The following TENM3 variants were observed in gnomAD, a reference collection of about 807,000 sequenced individuals.
TENM3 encodes teneurin transmembrane protein 3.
Under a neutral mutation model 255.1 loss-of-function variants are expected in TENM3, and 63 were observed. The observed-to-expected ratio is 0.25, with a 90% CI of 0.20 to 0.30. The LOEUF is 0.30. TENM3 is among the 10% of genes least tolerant of loss of function. The probability of loss-of-function intolerance (pLI) is 1.00; values close to 1 mark genes in which losing one functional copy is unlikely to be tolerated. For missense variants in TENM3, 2,929 were observed against 3,461.1 expected (o/e 0.85, Z 3.86); for synonymous variants, 1,306 against 1,322.3 (o/e 0.99, Z 0.27).
chr4:181,763,930 A>G, the TENM3 span, among the ~76,000 whole-genome samples: 1 of 152,196 alleles, frequency 6.6e-6, no homozygotes, highest in African/African-American at 2.4e-5. Flanking sequence ...ACTGTTATAG[A>G]TCATTTTGAT....
At chr4:181,793,198 G>A in the TENM3 span, among the ~76,000 whole-genome samples, 5 of 152,224 alleles carry the variant, frequency 3.3e-5, no homozygotes, top group East Asian at 1.9e-4. Flanking sequence ...AGGGCTGGCC[G>A]GCGATCCAGC....
At chr4:182,783,848 C>T (rs528933504) in intron 24 of TENM3, among the ~76,000 whole-genome samples, 2,426 of 152,004 alleles carry the variant, frequency 0.016, 56 homozygotes, top group African/African-American at 0.056. Context: ...TTGATCGCAT[C>T]GGCTCCTGAG....
chr4:182,581,971 A>G (rs1404677987), intron 3 of TENM3, among the ~76,000 whole-genome samples: 1 of 152,214 alleles, frequency 6.6e-6, no homozygotes, highest in African/African-American at 2.4e-5. Context: ...AGAGAATTTA[A>G]AAATGAGACA....
intron 1 of TENM3, among the ~76,000 whole-genome samples, chr4:182,230,214 A>T (rs911073459): frequency 1.3e-5 from 2 of 151,710 alleles, no homozygotes; most frequent in African/African-American, 4.8e-5. Flanking sequence ...GTTCAGGGGC[A>T]TGGCTCCAGC....
At chr4:182,054,730 TTA>T in the TENM3 span, among the ~76,000 whole-genome samples, 22 of 152,120 alleles carry the variant, frequency 1.4e-4, no homozygotes, top group Non-Finnish European at 3.2e-4. Flanking sequence ...TCATTATGCA[TTA>T]TATGTCTGTA....
the TENM3 span, among the ~76,000 whole-genome samples, chr4:182,029,923 G>C: frequency 2.8e-5 from 4 of 142,950 alleles, no homozygotes; most frequent in Non-Finnish European, 5.9e-5. Flanking sequence ...ATTCAGGTTG[G>C]AGAGAGTTAA....
At chr4:181,664,697 G>A in the TENM3 span, among the ~76,000 whole-genome samples, 1 of 152,064 alleles carries the variant, frequency 6.6e-6, no homozygotes, top group Non-Finnish European at 1.5e-5. Context: ...GAGATTCAGT[G>A]CACCCCTCTC....
At chr4:181,943,168 T>C in the TENM3 span, among the ~76,000 whole-genome samples, 2 of 152,174 alleles carry the variant, frequency 1.3e-5, no homozygotes, top group East Asian at 3.9e-4. Context: ...GTAGAGTCCC[T>C]GGATCCCGGG....
chr4:182,344,874 C>T (rs370512592), intron 2 of TENM3, among the ~76,000 whole-genome samples: 1 of 152,156 alleles, frequency 6.6e-6, no homozygotes, highest in Non-Finnish European at 1.5e-5. Context: ...CATGTGGACA[C>T]TGACCTTGTT....
intron 3 of TENM3, 67 bp downstream of exon 3, chr4:182,346,996 G>GGC (rs760068721): frequency 5.0e-5 from 50 of 990,864 alleles, no homozygotes; most frequent in East Asian, 2.3e-4. Flanking sequence ...TTGACTCCGC[G>GGC]GGGGGGGATG....
chr4:182,552,529 A>G (rs916103051), intron 3 of TENM3, among the ~76,000 whole-genome samples: 1 of 152,230 alleles, frequency 6.6e-6, no homozygotes, highest in African/African-American at 2.4e-5. Flanking sequence ...CCATTCTGAA[A>G]CTTGAAGAGT....
At chr4:181,482,868 A>AC in the TENM3 span, among the ~76,000 whole-genome samples, 7 of 152,302 alleles carry the variant, frequency 4.6e-5, no homozygotes, top group Middle Eastern at 3.4e-3. Flanking sequence ...GAAGGAAGAC[A>AC]CAGGCCAATC....
chr4:182,505,568 T>A (rs1346654280), intron 3 of TENM3, among the ~76,000 whole-genome samples: 1 of 152,080 alleles, frequency 6.6e-6, no homozygotes, highest in Non-Finnish European at 1.5e-5. Flanking sequence ...AACCTCCACC[T>A]CCCAGGTTCA....
At chr4:182,594,683 GGT>G (rs67667219) in intron 3 of TENM3, among the ~76,000 whole-genome samples, 10,537 of 137,922 alleles carry the variant, frequency 0.076, 575 homozygotes, top group African/African-American at 0.16. Context: ...TTTTTGTTTT[GGT>G]GTGTGTGTGT....
chr4:182,672,722 CAG>C (rs1263219636), intron 6 of TENM3, among the ~76,000 whole-genome samples: 2 of 152,134 alleles, frequency 1.3e-5, no homozygotes, highest in East Asian at 3.8e-4. Context: ...TTCAAGTGAA[CAG>C]AAAGACTGTA....
the TENM3 span, among the ~76,000 whole-genome samples, chr4:181,934,448 T>C: frequency 6.6e-6 from 1 of 152,184 alleles, no homozygotes; most frequent in African/African-American, 2.4e-5. Flanking sequence ...ACATTCTGTT[T>C]ATATTTGTAT....
chr4:181,819,457 C>G, the TENM3 span, among the ~76,000 whole-genome samples: 1 of 152,182 alleles, frequency 6.6e-6, no homozygotes, highest in African/African-American at 2.4e-5. Context: ...ATTCCCACAA[C>G]CATGGAGAAC....
the TENM3 span, among the ~76,000 whole-genome samples, chr4:182,089,151 T>A: frequency 6.6e-6 from 1 of 152,298 alleles, no homozygotes; most frequent in South Asian, 2.1e-4. Flanking sequence ...CCCCCAGAAC[T>A]GTAAGAAAGA....
intron 24 of TENM3, among the ~76,000 whole-genome samples, chr4:182,777,855 T>TTTTA (rs899358914): frequency 1.6e-4 from 23 of 144,912 alleles, no homozygotes; most frequent in African/African-American, 5.8e-4. Context: ...ATATATGCTG[T>TTTTA]TATATATATA....
Sources: allele counts gnomAD v4.1 joint callset (sites outside exome capture counted in the v4.1 genomes callset), GRCh38; gene constraint gnomAD v4.1.1; transcripts MANE v1.5; gene names NCBI Gene and HGNC (gene_info 2026-07-23, HGNC 2026-07-21).